CACNB2: variants seen among roughly 807,000 people sequenced by gnomAD.
CACNB2 encodes voltage-dependent L-type calcium channel subunit beta-2.
CACNB2 carries 42 observed loss-of-function variants against 73.3 expected under a neutral mutation model. The ratio of observed to expected loss-of-function variants is 0.57; its 90% confidence interval spans 0.45 to 0.74. CACNB2 has a LOEUF of 0.74. CACNB2 is among the 30% of genes least tolerant of loss of function. CACNB2 has a pLI of 0.00. For missense variants in CACNB2, 940 were observed against 853.0 expected (o/e 1.10, Z -1.27); for synonymous variants, 348 against 310.3 (o/e 1.12, Z -1.28).
At chr10:18,433,778 A>T (rs2045999958) in intron 3 of CACNB2, among the ~76,000 whole-genome samples, 2 of 152,248 alleles carry the variant, frequency 1.3e-5, no homozygotes, top group African/African-American at 4.8e-5. Context: ...TTATGTAAAT[A>T]CTTATAGGGA....
At chr10:18,525,773 TTC>T (rs1222698417) in intron 9 of CACNB2, among the ~76,000 whole-genome samples, 1 of 152,160 alleles carries the variant, frequency 6.6e-6, no homozygotes, top group African/African-American at 2.4e-5. Flanking sequence ...ATGTCTACTT[TTC>T]TTACTTTTCT....
At chr10:18,466,956 G>A (rs1236644484) in intron 3 of CACNB2, among the ~76,000 whole-genome samples, 1 of 152,128 alleles carries the variant, frequency 6.6e-6, no homozygotes, top group African/African-American at 2.4e-5. Flanking sequence ...GGAGCTGAGA[G>A]CAGCCTGGCC....
chr10:18,414,606 T>TGGAA (rs1486153745), intron 3 of CACNB2, among the ~76,000 whole-genome samples: 2 of 149,982 alleles, frequency 1.3e-5, no homozygotes, highest in Non-Finnish European at 3.0e-5. Flanking sequence ...TGCCTCAGCC[T>TGGAA]CCCAAGTTGC....
chr10:18,235,087 G>A (rs2036384231), intron 2 of CACNB2, among the ~76,000 whole-genome samples: 1 of 150,950 alleles, frequency 6.6e-6, no homozygotes, highest in Non-Finnish European at 1.5e-5. Flanking sequence ...AGCTTGCAGT[G>A]AGCCGGGATC....
chr10:18,373,996 C>A (rs146323615), intron 2 of CACNB2, among the ~76,000 whole-genome samples: 1 of 152,296 alleles, frequency 6.6e-6, no homozygotes, highest in African/African-American at 2.4e-5. Flanking sequence ...CTCCCTCTTT[C>A]ACACTCCCAT....
chr10:18,367,331 C>T (rs1278603814), intron 2 of CACNB2, among the ~76,000 whole-genome samples: 5 of 151,692 alleles, frequency 3.3e-5, no homozygotes, highest in East Asian at 1.9e-4. Flanking sequence ...TGTGCTTGAA[C>T]TTGGATTTTA....
At chr10:18,261,291 C>T (rs1415116367) in intron 2 of CACNB2, 1 of 1,551,556 alleles carries the variant, frequency 6.4e-7, no homozygotes, top group South Asian at 1.2e-5. Context: ...CGGGCTGGTG[C>T]ATCGCCGGCG....
At chr10:18,332,959 T>C (rs1254594884) in intron 2 of CACNB2, among the ~76,000 whole-genome samples, 1 of 152,138 alleles carries the variant, frequency 6.6e-6, no homozygotes, top group African/African-American at 2.4e-5. Context: ...CAGTGTCAAA[T>C]TTACAATACA....
intron 2 of CACNB2, among the ~76,000 whole-genome samples, chr10:18,220,230 T>TGGGGGGGGG (rs1564353886): frequency 4.6e-4 from 16 of 34,452 alleles, no homozygotes; most frequent in African/African-American, 3.2e-3. Context: ...TATATATATA[T>TGGGGGGGGG]ATAGAGAGAG....
intron 2 of CACNB2, among the ~76,000 whole-genome samples, chr10:18,397,691 G>A (rs2043783544): frequency 7.0e-6 from 1 of 143,006 alleles, no homozygotes; most frequent in African/African-American, 2.6e-5. Context: ...CTCCAGCCTG[G>A]GCAGCAGAGC....
At chr10:18,241,026 G>A (rs998720812) in intron 2 of CACNB2, among the ~76,000 whole-genome samples, 2 of 152,184 alleles carry the variant, frequency 1.3e-5, no homozygotes, top group Admixed American at 6.5e-5. Context: ...TCTGCTCAGC[G>A]AGATAAATGC....
intron 1 of CACNB2, among the ~76,000 whole-genome samples, chr10:18,146,175 TGAG>T (rs1003936904): frequency 1.3e-5 from 2 of 152,226 alleles, no homozygotes; most frequent in African/African-American, 2.4e-5. Flanking sequence ...TATTGGTAAA[TGAG>T]GAGATTTGAT....
chr10:18,268,218 G>T (rs1488146671), intron 2 of CACNB2, among the ~76,000 whole-genome samples: 2 of 152,222 alleles, frequency 1.3e-5, no homozygotes, highest in African/African-American at 4.8e-5. Flanking sequence ...GTTCATTCAT[G>T]AAGCAATTAC....
At chr10:18,527,330 C>G (rs969934452) in intron 9 of CACNB2, among the ~76,000 whole-genome samples, 1 of 152,002 alleles carries the variant, frequency 6.6e-6, no homozygotes, top group Non-Finnish European at 1.5e-5. Flanking sequence ...GAGCCGAGAA[C>G]GCACCACTGC....
intron 2 of CACNB2, among the ~76,000 whole-genome samples, chr10:18,275,915 CT>C (rs1437012093): frequency 2.0e-5 from 3 of 152,296 alleles, no homozygotes; most frequent in East Asian, 3.9e-4. Flanking sequence ...ACCAATTTCT[CT>C]GGTTTCAAAA....
chr10:18,424,250 T>C (rs112586299), intron 3 of CACNB2, among the ~76,000 whole-genome samples: 5 of 152,230 alleles, frequency 3.3e-5, no homozygotes, highest in Non-Finnish European at 5.9e-5. Flanking sequence ...ACTGAAGAAG[T>C]GTTACAGCTC....
intron 2 of CACNB2, among the ~76,000 whole-genome samples, chr10:18,342,314 A>G (rs2041265514): frequency 6.6e-6 from 1 of 152,190 alleles, no homozygotes; most frequent in South Asian, 2.1e-4. Context: ...TTTAATAAGA[A>G]TGACAATCTA....
At chr10:18,282,469 G>T (rs1321975916) in intron 2 of CACNB2, among the ~76,000 whole-genome samples, 1 of 152,336 alleles carries the variant, frequency 6.6e-6, no homozygotes, top group Non-Finnish European at 1.5e-5. Flanking sequence ...AATGGTCAAA[G>T]CTGGGTTTTA....
rs1292971857 is a variant in CACNB2, at chr10:18,442,940, ATG to A, written c.333+40901_333+40902del. Among the ~76,000 whole-genome samples, 247 of 66,104 alleles carry A rather than the reference ATG, an allele frequency of 3.7e-3. 24 individuals are homozygous for A. Among genetic ancestry groups the A allele is most frequent in the East Asian group, 0.012 (18 of 1,480 alleles). The allele number at this position is 66,104 out of a possible 152,430, so 43.4% of individuals were successfully genotyped here. A position where few individuals can be genotyped will look rare whatever the true frequency, so the allele number is the denominator to read the frequency against. ...TATATATATATGTATATATATATAT[ATG>A]TGTATATATATATATGTATATATAT... On this transcript the variant is annotated intron_variant, in intron 3 of 13. Transcript: ENST00000324631.
Sources: gnomAD v4.1 joint callset for allele counts (sites outside exome capture counted in the v4.1 genomes callset) on GRCh38, gnomAD v4.1.1 for gene constraint, MANE v1.5 for transcripts, NCBI Gene and HGNC (gene_info 2026-07-23, HGNC 2026-07-21) for gene names.